Variants in IMMP2L observed in about 807,000 individuals in gnomAD.
IMMP2L encodes inner mitochondrial membrane peptidase subunit 2, also known as mitochondrial inner membrane protease subunit 2.
A neutral mutation model predicts 19.3 loss-of-function variants in IMMP2L; 18 were observed. The ratio of observed to expected loss-of-function variants is 0.93; its 90% CI spans 0.64 to 1.38. The LOEUF is 1.38. Ranked by LOEUF, IMMP2L falls within the 40% of genes most tolerant of loss-of-function variation. The pLI is 0.00. For synonymous variants in IMMP2L, 76 were observed against 73.0 expected, an observed-to-expected ratio of 1.04 and a Z score of -0.21; for missense variants, 233 against 218.2, an observed-to-expected ratio of 1.07 and a Z score of -0.43.
chr7:111,041,814 C>T (rs1013802025), intron 3 of IMMP2L, among the ~76,000 whole-genome samples: 1 of 152,126 alleles, frequency 6.6e-6, no homozygotes, highest in Admixed American at 6.5e-5. Flanking sequence ...GCATATAGTA[C>T]ATAGGGATAT....
In IMMP2L at chr7:111,510,445, A is replaced by G. The variant is rs140951832; in HGVS notation, c.135+10868T>C. Among the ~76,000 whole-genome samples the G allele has an allele frequency of 2.1e-3, 323 of 152,230 alleles. 3 individuals carry two copies. Among genetic ancestry groups the G allele is most frequent in the African/African-American group, 7.4e-3 (306 of 41,538 alleles). ...CAAAATCAGTATAGATATCCTGTAT[A>G]TTATGATGTTTTGACACGTTAAAAA... On this transcript the variant is annotated intron_variant, in intron 2 of 5. Transcript: ENST00000405709.
chr7:110,775,975 G>A lies in IMMP2L; in HGVS notation c.408+110618C>T, dbSNP rs555236974. On this transcript the variant is annotated intron_variant, in intron 5 of 5. Coordinates refer to ENST00000405709, the MANE Select transcript of IMMP2L (RefSeq NM_032549.4). Reference sequence around the variant, plus strand: ...AAAATACACACATGTAAAAAAAAACGCATGAAAAATAACTTATTGAGGAAG... The same window carrying A: ...AAAATACACACATGTAAAAAAAAACACATGAAAAATAACTTATTGAGGAAG... Among the ~76,000 whole-genome samples the A allele has an allele frequency of 1.3e-4, 19 of 148,214 alleles. No individual in the cohort carries two copies. The East Asian group carries it at 3.1e-3, about 25-fold the overall frequency.
chr7:110,999,690 T>C (rs987873077), intron 3 of IMMP2L, among the ~76,000 whole-genome samples: 1 of 152,098 alleles, frequency 6.6e-6, no homozygotes, highest in African/African-American at 2.4e-5. Flanking sequence ...TTTGTTTATT[T>C]GATCTTTTAA....
chr7:111,048,238 C>CAAAAAAAA (rs575701337), intron 3 of IMMP2L, among the ~76,000 whole-genome samples: 55 of 18,178 alleles, frequency 3.0e-3, no homozygotes, highest in African/African-American at 6.1e-3. Flanking sequence ...GACTCTGTCT[C>CAAAAAAAA]AAAAAAAAAA....
chr7:110,718,115 G>C (rs1464131039), intron 5 of IMMP2L, among the ~76,000 whole-genome samples: 1 of 152,126 alleles, frequency 6.6e-6, no homozygotes. Flanking sequence ...TGTTAAATTG[G>C]GGCAGTGAAA....
intron 4 of IMMP2L, 135 bp downstream of exon 4, chr7:110,963,365 A>G: frequency 3.2e-6 from 2 of 632,664 alleles, no homozygotes; most frequent in Non-Finnish European, 5.5e-6. Context: ...GATGCTCACT[A>G]AAGATGTACC....
At chr7:111,417,597 G>GA (rs1379450241) in intron 3 of IMMP2L, among the ~76,000 whole-genome samples, 3 of 151,760 alleles carry the variant, frequency 2.0e-5, no homozygotes, top group African/African-American at 7.3e-5. Flanking sequence ...CCTCTGTCAC[G>GA]AATGTGTCCC....
At chr7:111,343,039 T>C (rs924026417) in intron 3 of IMMP2L, among the ~76,000 whole-genome samples, 3 of 152,116 alleles carry the variant, frequency 2.0e-5, no homozygotes, top group Non-Finnish European at 2.9e-5. Context: ...AACAGTCTCA[T>C]TGATTAAACC....
intron 3 of IMMP2L, among the ~76,000 whole-genome samples, chr7:111,003,355 A>T (rs1347652426): frequency 6.6e-6 from 1 of 152,190 alleles, no homozygotes; most frequent in Non-Finnish European, 1.5e-5. Flanking sequence ...AATTATTTAC[A>T]TATTTATTTA....
chr7:110,752,622 T>C (rs188643230), intron 5 of IMMP2L, among the ~76,000 whole-genome samples: 1 of 152,114 alleles, frequency 6.6e-6, no homozygotes, highest in East Asian at 1.9e-4. Context: ...TGTTCTGACA[T>C]CATGAAGATC....
At position 110,663,592 on chromosome 7, in the gene IMMP2L, A is replaced by G; in HGVS notation, c.*10T>C. ...CTCCCAATGCCAGCAACTCAGGTAG[A>G]TTCATGCAGTCATTCCTCTTCTCTC... is the stretch of plus-strand genomic sequence containing the variant. On this transcript the variant is annotated 3_prime_UTR_variant, in exon 6 of 6. Transcript: ENST00000405709. 1 of 1,613,328 alleles carries G rather than the reference A, an allele frequency of 6.2e-7. No individual in the cohort carries two copies. Among genetic ancestry groups the G allele is most frequent in the South Asian group, 1.1e-5 (1 of 91,026 alleles).
intron 3 of IMMP2L, among the ~76,000 whole-genome samples, chr7:111,392,619 A>C (rs976444528): frequency 2.6e-5 from 4 of 152,170 alleles, no homozygotes; most frequent in African/African-American, 9.6e-5. Context: ...ATTAATTCTG[A>C]TAATAACAAC....
At chr7:110,694,836 A>G (rs1793760586) in intron 5 of IMMP2L, among the ~76,000 whole-genome samples, 1 of 152,210 alleles carries the variant, frequency 6.6e-6, no homozygotes, top group Admixed American at 6.5e-5. Context: ...GATAACTGAA[A>G]TGTGATATAT....
intron 3 of IMMP2L, among the ~76,000 whole-genome samples, chr7:111,482,743 C>T (rs1317238692): frequency 2.6e-5 from 4 of 152,144 alleles, no homozygotes; most frequent in African/African-American, 4.8e-5. Context: ...CAGAGTTTCT[C>T]CTTTATTCAG....
At chr7:111,504,506 A>G (rs1397461351) in intron 2 of IMMP2L, among the ~76,000 whole-genome samples, 1 of 152,084 alleles carries the variant, frequency 6.6e-6, no homozygotes, top group Non-Finnish European at 1.5e-5. Context: ...AAGAGCCTGC[A>G]TCACCAAGTC....
rs1264908580 is a variant in IMMP2L at position 111,556,040 on chromosome 7, A to ATATATATATATATATATATG, written c.-3+5810_-3+5811insCATATATATATATATATATA. Among the ~76,000 whole-genome samples, 36 of 139,388 alleles carry ATATATATATATATATATATG rather than the reference A, an allele frequency of 2.6e-4. 3 individuals carry two copies. Among genetic ancestry groups the ATATATATATATATATATATG allele is most frequent in the Non-Finnish European group, 4.9e-4 (31 of 63,752 alleles). The allele number at this position is 139,388 out of a possible 152,430, so 91.4% of individuals were successfully genotyped here. A position where few individuals can be genotyped will look rare whatever the true frequency, so the allele number is the denominator to read the frequency against. On this transcript the variant is annotated intron_variant, in intron 1 of 5. Transcript: ENST00000405709. Reference sequence around the variant, plus strand: ...CATGTATATATATATATATATACATACCCAAAGAAAATGAAACCGCAACCT... The same window carrying ATATATATATATATATATATG: ...CATGTATATATATATATATATACATATATATATATATATATATATGCCCAAAGAAAATGAAACCGCAACCT...
chr7:111,180,911 C>A (rs1807633263), intron 3 of IMMP2L, among the ~76,000 whole-genome samples: 1 of 151,888 alleles, frequency 6.6e-6, no homozygotes, highest in South Asian at 2.1e-4. Context: ...GTAAATCTAG[C>A]AATATTAAAA....
chr7:111,272,347 G>T (rs1290331314), intron 3 of IMMP2L, among the ~76,000 whole-genome samples: 1 of 152,026 alleles, frequency 6.6e-6, no homozygotes, highest in Non-Finnish European at 1.5e-5. Flanking sequence ...TTGGATCTCA[G>T]CTTAAATGGC....
intron 3 of IMMP2L, chr7:111,391,964 C>A (rs1187837127): frequency 1.4e-6 from 1 of 703,220 alleles, no homozygotes; most frequent in South Asian, 1.5e-5. Context: ...GCTAACTCTT[C>A]TCGGTTGGCA....
Sources: gnomAD v4.1 joint callset for allele counts (sites outside exome capture counted in the v4.1 genomes callset) on GRCh38, gnomAD v4.1.1 for gene constraint, MANE v1.5 for transcripts, NCBI Gene and HGNC (gene_info 2026-07-23, HGNC 2026-07-21) for gene names.